Variants in WDR26 observed in about 807,000 individuals in gnomAD.
WDR26 encodes the protein WD repeat domain 26.
A neutral mutation model predicts 84.1 loss-of-function variants in WDR26; 5 were observed. That is an observed-to-expected ratio of 0.06 (90% CI 0.03 to 0.13). The LOEUF (loss-of-function observed/expected upper bound fraction) is 0.13. Among genes scored for constraint, WDR26 ranks in the 10% least tolerant of loss-of-function variants. WDR26 has a pLI of 1.00. For missense variants in WDR26, 642 were observed against 974.9 expected, an observed-to-expected ratio of 0.66 and a Z score of 4.55; for synonymous variants, 415 against 389.6, an observed-to-expected ratio of 1.07 and a Z score of -0.77.
chr1:224,421,409 AC>A (rs1340712279), intron 4 of WDR26, among the ~76,000 whole-genome samples: 2 of 152,062 alleles, frequency 1.3e-5, no homozygotes, highest in African/African-American at 4.8e-5. Flanking sequence ...ACATGGCGAA[AC>A]CCCGTCTCTA....
chr1:224,419,420 G>C (rs1673992934), intron 5 of WDR26, 98 bp downstream of exon 5: 1 of 939,654 alleles, frequency 1.1e-6, no homozygotes, highest in Admixed American at 1.9e-5. Context: ...CTCAATAAAA[G>C]TATGTCCAGA....
chr1:224,409,757 G>A (rs936630009), intron 7 of WDR26, among the ~76,000 whole-genome samples: 1 of 151,798 alleles, frequency 6.6e-6, no homozygotes, highest in Non-Finnish European at 1.5e-5. Context: ...CAGCTAGTTG[G>A]GAGGCTGAGG....
chr1:224,427,103 CCAAAAAAA>C (rs1197303677), intron 3 of WDR26, among the ~76,000 whole-genome samples: 2 of 91,168 alleles, frequency 2.2e-5, no homozygotes, highest in Admixed American at 1.3e-4. Context: ...AACTCTGTCT[CCAAAAAAA>C]AAAAAAAAAA....
intron 3 of WDR26, chr1:224,431,219 T>C: frequency 2.8e-6 from 1 of 359,810 alleles, no homozygotes; most frequent in East Asian, 5.2e-5. Flanking sequence ...CCTCTATTAG[T>C]AGCACTGAAA....
chr1:224,433,635 C>T (rs1374653805), intron 1 of WDR26, 49 bp downstream of exon 1: 11 of 1,359,030 alleles, frequency 8.1e-6, no homozygotes, highest in African/African-American at 1.5e-5. Context: ...CCCCTGGAGC[C>T]TCCGTCCCTC....
intron 12 of WDR26, among the ~76,000 whole-genome samples, chr1:224,396,107 T>A (rs1673252549): frequency 6.6e-6 from 1 of 152,210 alleles, no homozygotes; most frequent in African/African-American, 2.4e-5. Flanking sequence ...TTCAAAACAT[T>A]TTCAAAACCA....
chr1:224,415,127 A>G (rs1673856613), intron 6 of WDR26, among the ~76,000 whole-genome samples: 1 of 152,232 alleles, frequency 6.6e-6, no homozygotes, highest in African/African-American at 2.4e-5. Flanking sequence ...GTCTGACATT[A>G]TTCTCTTAGT....
chr1:224,401,171 T>C, intron 8 of WDR26, 102 bp from the exon 9 acceptor site: 1 of 1,148,778 alleles, frequency 8.7e-7, no homozygotes. Context: ...GTTTCCCAGT[T>C]CATTCTAAGT....
chr1:224,390,795 A>G (rs1673103214), intron 13 of WDR26, among the ~76,000 whole-genome samples: 1 of 152,160 alleles, frequency 6.6e-6, no homozygotes, highest in Admixed American at 6.5e-5. Context: ...ACAAAAACAA[A>G]AAAAACAAAA....
Position 224,433,828 on chromosome 1 carries a change from G to A in WDR26, c.578C>T (p.Ala193Val). The change falls in exon 1 of 14, where the codon GCA (alanine) becomes GTA (valine). Residue 193 changes from alanine (A) to valine (V), a missense_variant. Physicochemically the swap from Ala to Val is moderately conservative, Grantham distance 64. Transcript: ENST00000414423. ...GGCGGCGGTGGTGGCGGAGGCAGCT[G>A]CGACGGTGGCTGAGGATGCGGCGGC... The A allele has an allele frequency of 6.5e-7, 1 of 1,536,908 alleles. No individual in the cohort carries two copies. The highest frequency in any genetic ancestry group is 8.7e-7 in the Non-Finnish European group (1 of 1,146,798).
At chr1:224,422,673 C>T (rs1232103902) in intron 4 of WDR26, among the ~76,000 whole-genome samples, 1 of 150,500 alleles carries the variant, frequency 6.6e-6, no homozygotes, top group Admixed American at 6.6e-5. Flanking sequence ...GAGATTGCAC[C>T]ATTGCACCCC....
rs772242874 is a variant in WDR26 at position 224,411,549 on chromosome 1, A to G, written c.1336T>C (p.Tyr446His). 1 of 1,606,022 alleles carries G rather than the reference A, an allele frequency of 6.2e-7. No homozygotes were observed. The highest frequency in any genetic ancestry group is 8.5e-7 in the Non-Finnish European group (1 of 1,177,118). ...TGCTCCGTAAGTATCTGCTGCGTAT[A>G]ACATGGGAACTGCCTCCTAAAACAA... Residue 446 changes from tyrosine (Y) to histidine (H), a missense_variant, in exon 7 of 14, where the codon TAT becomes CAT. By Grantham distance (83) the Tyr-to-His change is moderately conservative. Around this residue, in one of 2 missense-constraint regions of WDR26, gnomAD observed 351 missense variants for 672.8 expected, o/e 0.52. Transcript: ENST00000414423.
Position 224,434,617 on chromosome 1 carries a change from CGCGCCGGG to C in WDR26, c.-220_-213del, listed in dbSNP as rs1403952611. 5.4e-6 allele frequency: 3 copies of C among 551,842 alleles called. No individual in the cohort carries two copies. In the East Asian group the frequency reaches 4.6e-4, roughly 85 times the overall value. 34.2% of individuals were successfully genotyped at this position (551,842 alleles called of 1,614,324 possible). A position where few individuals can be genotyped will look rare whatever the true frequency, so the allele number is the denominator to read the frequency against. ...AGCTCGGGGTGCGCGGCCCGGGGGT[CGCGCCGGG>C]GGGCGCCGCGGGGCGGCTGCGGGGG... On this transcript the variant is annotated 5_prime_UTR_variant, in exon 1 of 14. Coordinates refer to ENST00000414423, the MANE Select transcript of WDR26 (RefSeq NM_001379403.1).
intron 6 of WDR26, 94 bp downstream of exon 6, chr1:224,418,166 C>A (rs1673960652): frequency 9.9e-7 from 1 of 1,005,502 alleles, no homozygotes; most frequent in Non-Finnish European, 1.4e-6. Flanking sequence ...CAGACATGAA[C>A]TGTTATATAG....
chr1:224,428,886 A>G (rs1674306721), intron 3 of WDR26, among the ~76,000 whole-genome samples: 1 of 149,944 alleles, frequency 6.7e-6, no homozygotes, highest in Admixed American at 6.6e-5. Context: ...AGTCTGGGCA[A>G]TAAGAGAAAC....
At position 224,389,756 on chromosome 1, in the gene WDR26, T is replaced by C. The variant is rs1405870448; in HGVS notation, c.*79A>G. 1.4e-6 allele frequency: 2 copies of C among 1,385,858 alleles called. No homozygotes were observed. The highest frequency in any genetic ancestry group is 2.1e-6 in the Non-Finnish European group (2 of 974,574). 85.8% of individuals were successfully genotyped at this position (1,385,858 alleles called of 1,614,324 possible). A position where few individuals can be genotyped will look rare whatever the true frequency, so the allele number is the denominator to read the frequency against. On this transcript the variant is annotated 3_prime_UTR_variant, in exon 14 of 14. Transcript: ENST00000414423. ...CATGTCTGTCCAGCTATCAATCATG[T>C]TTGTTTGCACCAAATCCCAAGCCAT...
In WDR26 at chr1:224,398,084, G is replaced by T. The variant is rs201350462; in HGVS notation, c.2074+13C>A. On this transcript the variant is annotated intron_variant, in intron 12 of 13. Transcript: ENST00000414423. ...AATATCAACATATGTAAACTGATAAGGACACAATTTACCTTCACTGCCACT... is the reference window on the plus strand; with the variant it reads ...AATATCAACATATGTAAACTGATAATGACACAATTTACCTTCACTGCCACT... The T allele has an allele frequency of 1.8e-5, 29 of 1,611,248 alleles. No homozygotes were observed. Among genetic ancestry groups the T allele is most frequent in the Non-Finnish European group, 4.2e-6 (5 of 1,179,296 alleles).
intron 7 of WDR26, among the ~76,000 whole-genome samples, chr1:224,406,431 G>A (rs1294579312): frequency 6.6e-6 from 1 of 152,158 alleles, no homozygotes; most frequent in Non-Finnish European, 1.5e-5. Flanking sequence ...TGACCCACCA[G>A]CAGTTGAAAA....
intron 7 of WDR26, among the ~76,000 whole-genome samples, chr1:224,409,297 T>C (rs1251093984): frequency 2.0e-5 from 3 of 152,228 alleles, no homozygotes; most frequent in African/African-American, 4.8e-5. Flanking sequence ...TTTTGTACTA[T>C]GTTAACTACA....
Sources: gnomAD v4.1 joint callset for allele counts (sites outside exome capture counted in the v4.1 genomes callset) on GRCh38, gnomAD v4.1.1 for gene constraint, gnomAD v4.1.1 regional missense constraint, MANE v1.5 for transcripts, NCBI Gene and HGNC (gene_info 2026-07-23, HGNC 2026-07-21) for gene names.